DNMT3A: variants seen among roughly 807,000 people sequenced by gnomAD.
DNMT3A encodes DNA (cytosine-5)-methyltransferase 3A.
Under a neutral mutation model 117.6 loss-of-function variants are expected in DNMT3A, and 267 were observed. That is an observed-to-expected ratio of 2.27 (90% CI 2.05 to 2.51). The LOEUF is 2.51. DNMT3A is among the 30% of genes most tolerant of loss of function. The pLI is 0.00. For synonymous variants in DNMT3A, 432 were observed against 474.8 expected (o/e 0.91, Z 1.17); for missense variants, 1,029 against 1,260.2 (o/e 0.82, Z 2.78).
rs1422163743 is a variant in DNMT3A at position 25,294,990 on chromosome 2, T to G, written c.177+5149A>C. On this transcript the variant is annotated intron_variant, in intron 3 of 22. Coordinates refer to ENST00000321117, the MANE Select transcript of DNMT3A (RefSeq NM_022552.5). The surrounding 1 kb of genome is among the most constrained non-coding windows in gnomAD (Gnocchi z 4.7). ...GAAGTTGGTGGGTATAAATCGTCAA[T>G]GAATAAATACGCATCGCTAGTAAAT... Among the ~76,000 whole-genome samples the G allele has an allele frequency of 6.6e-6, 1 of 152,096 alleles. No homozygotes were observed. Among genetic ancestry groups the G allele is most frequent in the Admixed American group, 6.5e-5 (1 of 15,278 alleles).
rs1482617727 is a variant in DNMT3A, at chr2:25,298,455, G to A, written c.177+1684C>T. Among the ~76,000 whole-genome samples, 1 of 152,226 alleles carries A rather than the reference G, an allele frequency of 6.6e-6. No individual in the cohort carries two copies. The highest frequency in any genetic ancestry group is 1.5e-5 in the Non-Finnish European group (1 of 68,040). ...CACAAAGATGAGTCAAAGGGTTGCT[G>A]GGTCTTTATTTGCTACAGGTGGTGG... On this transcript the variant is annotated intron_variant, in intron 3 of 22. Coordinates refer to ENST00000321117, the MANE Select transcript of DNMT3A (RefSeq NM_022552.5). The surrounding 1 kb of genome is among the most constrained non-coding windows in gnomAD (Gnocchi z 4.3).
rs1286528832 is a variant in DNMT3A, at chr2:25,341,676, C to A, written c.-178+150G>T. The A allele has an allele frequency of 3.0e-4, 148 of 500,060 alleles. 1 individual carries two copies. In the East Asian group the frequency reaches 0.018, roughly 62 times the overall value. 31.0% of individuals were successfully genotyped at this position (500,060 alleles called of 1,614,324 possible). On this transcript the variant is annotated intron_variant, in intron 1 of 22. Coordinates refer to ENST00000321117, the MANE Select transcript of DNMT3A (RefSeq NM_022552.5). Reference sequence around the variant, plus strand: ...GGCCCGCCGTCCCCGCCTGCAGTCCCGGCCCCACGGGCGCCCGGCGCCGAG... The same window carrying A: ...GGCCCGCCGTCCCCGCCTGCAGTCCAGGCCCCACGGGCGCCCGGCGCCGAG...
chr2:25,266,546 C>T (rs552515519), intron 6 of DNMT3A, among the ~76,000 whole-genome samples: 1 of 152,274 alleles, frequency 6.6e-6, no homozygotes, highest in East Asian at 1.9e-4. Flanking sequence ...TGGAATATGA[C>T]ACAGCATGGG....
In DNMT3A at chr2:25,281,486, T is replaced by C. The variant is rs911317169; in HGVS notation, c.448+955A>G. On this transcript the variant is annotated intron_variant, in intron 4 of 22. Coordinates refer to ENST00000321117, the MANE Select transcript of DNMT3A (RefSeq NM_022552.5). The surrounding 1 kb of genome is among the most constrained non-coding windows in gnomAD (Gnocchi z 4.8). The stretch of plus-strand genomic sequence containing the variant: ...AAATTTGTATTCTGGAAATGTTCTC[T>C]ATCCTGCATGAACATTAGGTTGGAT... 8 of 1,053,606 alleles carry C rather than the reference T, an allele frequency of 7.6e-6. No individual in the cohort carries two copies. The African/African-American group carries it at 1.3e-4, about 17-fold the overall frequency. 65.3% of individuals were successfully genotyped at this position (1,053,606 alleles called of 1,614,324 possible).
chr2:25,275,571 A>G, intron 4 of DNMT3A, 28 bp from the exon 5 acceptor site: 1 of 1,553,518 alleles, frequency 6.4e-7, no homozygotes, highest in Non-Finnish European at 8.6e-7. Context: ...CAAAGGGACC[A>G]GTTCGTTGGT....
chr2:25,246,334 G>C, intron 10 of DNMT3A, 25 bp from the exon 11 acceptor site: 3 of 1,582,738 alleles, frequency 1.9e-6, no homozygotes, highest in African/African-American at 2.7e-5. Context: ...CAGGTGCCAA[G>C]GTCAGTTACA....
At chr2:25,321,336 G>C (rs982052435) in intron 1 of DNMT3A, among the ~76,000 whole-genome samples, 1 of 152,096 alleles carries the variant, frequency 6.6e-6, no homozygotes, top group East Asian at 1.9e-4. Flanking sequence ...CAAAGCCAGC[G>C]ATGGCCAGTC....
Position 25,246,704 on chromosome 2 carries a change from C to A in DNMT3A, c.1195G>T (p.Val399Leu). ...DSDESDTAKA[V>L]EVQNKPMIEW... is the part of the protein sequence containing the mutation. ...ATCATGGGCTTGTTCTGCACCTCCA[C>A]GGCCTTGGCAGTGTCACTCTCATCG... is the stretch of plus-strand genomic sequence containing the variant. Residue 399 changes from valine to leucine, a missense_variant, in exon 10 of 23, where the codon GTG becomes TTG. Transcript: ENST00000321117. 2 of 1,613,814 alleles carry A rather than the reference C, an allele frequency of 1.2e-6. No individual in the cohort carries two copies. The highest frequency in any genetic ancestry group is 1.7e-6 in the Non-Finnish European group (2 of 1,180,020).
At chr2:25,322,557 C>T (rs965740455) in intron 1 of DNMT3A, among the ~76,000 whole-genome samples, 50 of 152,060 alleles carry the variant, frequency 3.3e-4, no homozygotes, top group African/African-American at 1.2e-3. Flanking sequence ...TAACCCCAAC[C>T]CCCGCTCACT....
At chr2:25,334,265 G>A (rs2035125142) in intron 1 of DNMT3A, among the ~76,000 whole-genome samples, 1 of 152,146 alleles carries the variant, frequency 6.6e-6, no homozygotes, top group Admixed American at 6.5e-5. Flanking sequence ...TGCAGACAGA[G>A]GAACTTGTAT....
At chr2:25,300,686 T>TATCTAAATA (rs2033400662) in intron 2 of DNMT3A, among the ~76,000 whole-genome samples, 1 of 79,760 alleles carries the variant, frequency 1.3e-5, no homozygotes, top group African/African-American at 4.9e-5. Flanking sequence ...TATATTTAGA[T>TATCTAAATA]ATATATTTAT....
intron 6 of DNMT3A, among the ~76,000 whole-genome samples, chr2:25,264,135 T>TTTTTTTG (rs2029974672): frequency 8.1e-6 from 1 of 122,718 alleles, no homozygotes; most frequent in African/African-American, 3.2e-5. Flanking sequence ...CCCTTTGGTT[T>TTTTTTTG]TTTTTTTTTT....
Position 25,246,015 on chromosome 2 carries a change from C to G in DNMT3A, c.1474+5G>C. 1 of 1,613,940 alleles carries G rather than the reference C, an allele frequency of 6.2e-7. No individual in the cohort carries two copies. Among genetic ancestry groups the G allele is most frequent in the Non-Finnish European group, 8.5e-7 (1 of 1,179,838 alleles). ...AGTGCCAGAGTTCCCAGGCAACAAA[C>G]TTACCCTCAATGTTCCGGCACTTCT... On this transcript the variant is annotated splice_donor_5th_base_variant and intron_variant, in intron 12 of 22. Transcript: ENST00000321117.
chr2:25,307,613 G>A (rs1193126562), intron 2 of DNMT3A, among the ~76,000 whole-genome samples: 2 of 151,924 alleles, frequency 1.3e-5, no homozygotes, highest in Non-Finnish European at 2.9e-5. Flanking sequence ...TTACAGGCAC[G>A]CACCACCACG....
chr2:25,245,686 C>A (rs561420499), intron 12 of DNMT3A, among the ~76,000 whole-genome samples: 2 of 152,366 alleles, frequency 1.3e-5, no homozygotes, highest in South Asian at 4.1e-4. Context: ...CCAGATCCAC[C>A]AGCACCAGGC....
intron 6 of DNMT3A, among the ~76,000 whole-genome samples, chr2:25,256,585 C>T (rs1477662169): frequency 6.6e-6 from 1 of 152,240 alleles, no homozygotes; most frequent in Non-Finnish European, 1.5e-5. Context: ...CTGGGGGCTA[C>T]TGAATTCGAT....
intron 6 of DNMT3A, among the ~76,000 whole-genome samples, chr2:25,273,006 C>CTTTTTT (rs2031074134): frequency 1.6e-5 from 2 of 124,588 alleles, no homozygotes; most frequent in African/African-American, 3.5e-5. Flanking sequence ...CAGAGTTTTG[C>CTTTTTT]TCTTGTTGTC....
chr2:25,331,747 A>T (rs974204264), intron 1 of DNMT3A, among the ~76,000 whole-genome samples: 1 of 152,108 alleles, frequency 6.6e-6, no homozygotes, highest in Non-Finnish European at 1.5e-5. Flanking sequence ...CCATCGCACA[A>T]GGCACCCCGC....
chr2:25,300,712 A>ATT (rs1491509599), intron 2 of DNMT3A, among the ~76,000 whole-genome samples: 7 of 18,922 alleles, frequency 3.7e-4, no homozygotes, highest in African/African-American at 1.0e-3. Flanking sequence ...TAAATAATAT[A>ATT]ATATATATAT....
Sources: allele counts gnomAD v4.1 joint callset (sites outside exome capture counted in the v4.1 genomes callset), GRCh38; gene constraint gnomAD v4.1.1; non-coding constraint Gnocchi (gnomAD v3.1); transcripts MANE v1.5; gene names NCBI Gene and HGNC (gene_info 2026-07-23, HGNC 2026-07-21).